Variants in INO80D observed in about 807,000 individuals in gnomAD.
The protein encoded by INO80D is INO80 complex subunit D.
Under a neutral mutation model 87.6 loss-of-function variants are expected in INO80D, and 21 were observed. That is an observed-to-expected ratio of 0.24 (90% CI 0.17 to 0.35). The LOEUF is 0.35. Ranked by LOEUF, INO80D falls within the 10% of genes least tolerant of loss-of-function variation. INO80D has a pLI of 1.00. For synonymous variants in INO80D, 440 were observed against 491.0 expected (o/e 0.90, Z 1.37); for missense variants, 982 against 1,280.7 (o/e 0.77, Z 3.56).
intron 6 of INO80D, among the ~76,000 whole-genome samples, chr2:206,020,455 A>C (rs540678836): frequency 6.6e-6 from 1 of 152,296 alleles, no homozygotes; most frequent in South Asian, 2.1e-4. Context: ...TAAACCCATA[A>C]ATCTGCAAAA....
chr2:206,016,034 C>T (rs1368002090), intron 8 of INO80D, among the ~76,000 whole-genome samples: 1 of 152,176 alleles, frequency 6.6e-6, no homozygotes, highest in Admixed American at 6.5e-5. Flanking sequence ...GGGACACCAC[C>T]TAGTGGAGCT....
In INO80D at chr2:206,056,313, G is replaced by C; in HGVS notation, c.849C>G (p.Ile283Met). 1 of 1,614,002 alleles carries C rather than the reference G, an allele frequency of 6.2e-7. No homozygotes were observed. Among genetic ancestry groups the C allele is most frequent in the African/African-American group, 1.3e-5 (1 of 75,040 alleles). The part of the protein sequence containing the change: ...PTVDPPRTDR[I>M]LMKATAFSPH... ...GAGAGAAGGCTGTGGCTTTCATGAGGATCCGGTCAGTCCTGGGTGGGTCCA... is the reference window on the plus strand; with the variant it reads ...GAGAGAAGGCTGTGGCTTTCATGAGCATCCGGTCAGTCCTGGGTGGGTCCA... Residue 283 changes from isoleucine to methionine, a missense_variant, in exon 4 of 11, where the codon ATC becomes ATG. Coordinates refer to ENST00000403263, the MANE Select transcript of INO80D (RefSeq NM_017759.5).
rs146510600 is a variant in INO80D at position 206,037,044 on chromosome 2, T to C, written c.1074-8709A>G. On this transcript the variant is annotated intron_variant, in intron 5 of 10. Transcript: ENST00000403263. The stretch of plus-strand genomic sequence containing the variant: ...TGAGAAGAGAAAGGCCAGTTTCCCT[T>C]CATTTAGCAGTGACAAAACCTGGCA... 2.0e-5 allele frequency among the ~76,000 whole-genome samples: 3 copies of C among 152,284 alleles called. No homozygotes were observed. The East Asian group carries it at 5.8e-4, about 29-fold the overall frequency.
chr2:206,078,288 G>A (rs1346795311), intron 1 of INO80D, among the ~76,000 whole-genome samples: 1 of 152,008 alleles, frequency 6.6e-6, no homozygotes, highest in African/African-American at 2.4e-5. Context: ...GTGGTGGCAC[G>A]CGCCTGTAGT....
At chr2:206,037,084 A>G (rs1399939950) in intron 5 of INO80D, among the ~76,000 whole-genome samples, 1 of 152,208 alleles carries the variant, frequency 6.6e-6, no homozygotes, top group Non-Finnish European at 1.5e-5. Flanking sequence ...GTGCATTCTC[A>G]GTTTGTGTTT....
chr2:206,066,187 G>A (rs1385779660), intron 1 of INO80D, among the ~76,000 whole-genome samples: 1 of 152,136 alleles, frequency 6.6e-6, no homozygotes, highest in Non-Finnish European at 1.5e-5. Flanking sequence ...GAACCCAGGA[G>A]GTCAAGGCTG....
At chr2:206,077,208 C>G (rs1007834462) in intron 1 of INO80D, among the ~76,000 whole-genome samples, 1 of 151,720 alleles carries the variant, frequency 6.6e-6, no homozygotes, top group Non-Finnish European at 1.5e-5. Flanking sequence ...ACCCGGGAGT[C>G]GGGCGCCTGC....
At chr2:206,008,684 A>G (rs886711004) in intron 9 of INO80D, among the ~76,000 whole-genome samples, 1 of 152,212 alleles carries the variant, frequency 6.6e-6, no homozygotes, top group African/African-American at 2.4e-5. Flanking sequence ...GCAAAAATAC[A>G]TGCCTCACCA....
At chr2:206,025,540 A>ATATATATATAT (rs1553616172) in intron 6 of INO80D, 26 of 63,264 alleles carry the variant, frequency 4.1e-4, no homozygotes, top group South Asian at 3.1e-3. Context: ...AAAAAAAAAA[A>ATATATATATAT]AAATATATAT....
At chr2:206,032,478 A>G (rs1274251260) in intron 5 of INO80D, among the ~76,000 whole-genome samples, 2 of 151,972 alleles carry the variant, frequency 1.3e-5, no homozygotes, top group Non-Finnish European at 2.9e-5. Flanking sequence ...TAAATACACA[A>G]CTCCATTGAT....
intron 4 of INO80D, among the ~76,000 whole-genome samples, chr2:206,053,485 A>G (rs1689430440): frequency 6.6e-6 from 1 of 152,152 alleles, no homozygotes; most frequent in Admixed American, 6.6e-5. Context: ...TTTTGTTTAT[A>G]AATTTTTTAA....
rs1481397592 is a variant in INO80D, at chr2:206,005,126, C to G, written c.2326G>C (p.Gly776Arg). The G allele has an allele frequency of 1.2e-6, 2 of 1,613,884 alleles. No homozygotes were observed. The highest frequency in any genetic ancestry group is 8.5e-7 in the Non-Finnish European group (1 of 1,179,888). Residue 776 changes from glycine (G) to arginine (R), a missense_variant, in exon 11 of 11, where the codon GGG becomes CGG. Gly to Arg is a moderately radical substitution (Grantham distance 125, BLOSUM62 -2). Coordinates refer to ENST00000403263, the MANE Select transcript of INO80D (RefSeq NM_017759.5). ...SATLISQSAL[G>R]ERAFPGQFHG... ...AACTGTCCTGGGAAGGCTCTCTCCC[C>G]AAGTGCACTCTGGCTGATCAGAGTG...
intron 5 of INO80D, among the ~76,000 whole-genome samples, chr2:206,033,621 C>G (rs570046474): frequency 6.6e-6 from 1 of 152,192 alleles, no homozygotes; most frequent in Admixed American, 6.5e-5. Context: ...CCCTAAACGC[C>G]TACATCAAAA....
chr2:206,056,625 C>T lies in INO80D; in HGVS notation c.537G>A (p.Gln179=). The T allele has an allele frequency of 6.2e-7, 1 of 1,611,094 alleles. No individual in the cohort carries two copies. Among genetic ancestry groups the T allele is most frequent in the South Asian group, 1.1e-5 (1 of 90,558 alleles). Residue 179 remains glutamine (Q), a synonymous_variant, in exon 4 of 11, where the codon CAG becomes CAA. Transcript: ENST00000403263. ...TTAAAATCTCTGTCTCTCTCTGGCG[C>T]TGCCGATTCTGGGCCAACTTGCTCT... The part of the protein sequence containing the change: ...KLQSKLAQNR[Q]RQRETEILKV...
rs1559441455 is a variant in INO80D at position 206,028,320 on chromosome 2, A to G, written c.1089T>C (p.Asp363=). The G allele has an allele frequency of 6.3e-7, 1 of 1,592,110 alleles. No homozygotes were observed. Among genetic ancestry groups the G allele is most frequent in the Admixed American group, 1.7e-5 (1 of 59,066 alleles). ...TCACCCTGGAGCTCCTACTCTCCGC[A>G]TCATCATCATCTGACCTGGAAAGTG... is the stretch of plus-strand genomic sequence containing the variant. ...RYQRHASDDD[D]AESRSSRVTQ... Residue 363 remains aspartate, a synonymous_variant, in exon 6 of 11, where the codon GAT becomes GAC. Transcript: ENST00000403263.
Position 206,062,489 on chromosome 2 carries a change from G to A in INO80D, c.218+310C>T, listed in dbSNP as rs1380358938. The stretch of plus-strand genomic sequence containing the variant: ...CAAATCCGTTTCAAGACTTCAAGCA[G>A]CAACTTTGAGGGAAAAAAAATCTTT... On this transcript the variant is annotated intron_variant, in intron 3 of 10. Transcript: ENST00000403263. The surrounding 1 kb of genome is among the most constrained non-coding windows in gnomAD (Gnocchi z 4.6). 5.3e-5 allele frequency among the ~76,000 whole-genome samples: 8 copies of A among 152,108 alleles called. No individual in the cohort carries two copies. The highest frequency in any genetic ancestry group is 1.9e-4 in the African/African-American group (8 of 41,488).
At chr2:206,051,212 G>T (rs1689357829) in intron 4 of INO80D, among the ~76,000 whole-genome samples, 1 of 151,824 alleles carries the variant, frequency 6.6e-6, no homozygotes, top group Non-Finnish European at 1.5e-5. Flanking sequence ...TCCTACAATG[G>T]ATATTTCTTT....
chr2:205,996,470 C>T lies in INO80D; in HGVS notation c.*7898G>A. 6.6e-6 allele frequency: 1 copy of T among 151,964 alleles called. No homozygotes were observed. Among genetic ancestry groups the T allele is most frequent in the East Asian group, 1.9e-4 (1 of 5,164 alleles). 9.4% of individuals were successfully genotyped at this position (151,964 alleles called of 1,614,324 possible). On this transcript the variant is annotated 3_prime_UTR_variant, in exon 11 of 11. Coordinates refer to ENST00000403263, the MANE Select transcript of INO80D (RefSeq NM_017759.5). Reference sequence around the variant, plus strand: ...ACAAAACTATAATCCAAAGGACTTCCATTTTAGTATGTTCTGATGATGTAC... The same window carrying T: ...ACAAAACTATAATCCAAAGGACTTCTATTTTAGTATGTTCTGATGATGTAC...
chr2:206,063,060 C>G lies in INO80D; in HGVS notation c.-29-15G>C, dbSNP rs777100836. On this transcript the variant is annotated splice_polypyrimidine_tract_variant and intron_variant, in intron 2 of 10. Coordinates refer to ENST00000403263, the MANE Select transcript of INO80D (RefSeq NM_017759.5). ...GTGAACATCAGCTAAAAGGCCACCA[C>G]AAAAAAAGAAACCCAAATGATAAAT... The G allele has an allele frequency of 1.5e-6, 2 of 1,356,070 alleles. No homozygotes were observed. Among genetic ancestry groups the G allele is most frequent in the South Asian group, 2.5e-5 (2 of 81,012 alleles). The allele number at this position is 1,356,070 out of a possible 1,614,324, so 84.0% of individuals were successfully genotyped here.
Sources: allele counts gnomAD v4.1 joint callset (sites outside exome capture counted in the v4.1 genomes callset), GRCh38; gene constraint gnomAD v4.1.1; non-coding constraint Gnocchi (gnomAD v3.1); transcripts MANE v1.5; gene names NCBI Gene and HGNC (gene_info 2026-07-23, HGNC 2026-07-21).